ARFGEF1: variants seen among roughly 807,000 people sequenced by gnomAD.
ARFGEF1 encodes brefeldin A-inhibited guanine nucleotide-exchange protein 1.
In ARFGEF1, 42 loss-of-function variants were observed where a neutral mutation model predicts 231.0. The ratio of observed to expected loss-of-function variants is 0.18; its 90% CI spans 0.14 to 0.24. The LOEUF is 0.24. Ranked by LOEUF, ARFGEF1 falls within the 10% of genes least tolerant of loss-of-function variation. The probability of loss-of-function intolerance (pLI) is 1.00; values close to 1 mark genes in which losing one functional copy is unlikely to be tolerated. For synonymous variants in ARFGEF1, 710 were observed against 732.3 expected (o/e 0.97, Z 0.49); for missense variants, 1,345 against 2,192.0 (o/e 0.61, Z 7.72).
At chr8:67,217,235 C>T (rs1354960399) in intron 32 of ARFGEF1, among the ~76,000 whole-genome samples, 3 of 146,400 alleles carry the variant, frequency 2.0e-5, no homozygotes, top group Admixed American at 7.0e-5. Flanking sequence ...ACCCAAGAGG[C>T]GGAGGTTGTG....
At chr8:67,239,966 TAGAC>T (rs753137533) in intron 20 of ARFGEF1, among the ~76,000 whole-genome samples, 192 bp downstream of exon 20, 51 of 152,324 alleles carry the variant, frequency 3.3e-4, no homozygotes, top group African/African-American at 6.5e-4. Flanking sequence ...ATGATAAACT[TAGAC>T]AGATCAGTAT....
At chr8:67,244,906 G>A (rs1314519782) in intron 19 of ARFGEF1, among the ~76,000 whole-genome samples, 3 of 150,120 alleles carry the variant, frequency 2.0e-5, no homozygotes, top group Non-Finnish European at 4.4e-5. Flanking sequence ...GTAACCCAAA[G>A]ACAATTACCT....
At chr8:67,230,932 G>C (rs544710995) in intron 23 of ARFGEF1, among the ~76,000 whole-genome samples, 13 of 152,006 alleles carry the variant, frequency 8.6e-5, no homozygotes, top group Non-Finnish European at 1.8e-4. Flanking sequence ...CTTAAAGTCT[G>C]TAATAAAATC....
intron 5 of ARFGEF1, among the ~76,000 whole-genome samples, chr8:67,191,853 T>C (rs1836346125): frequency 6.6e-6 from 1 of 152,208 alleles, no homozygotes; most frequent in South Asian, 2.1e-4. Context: ...GGCTGTACCA[T>C]TTTACCTTCC....
At chr8:67,339,248 T>C (rs181039147) in intron 1 of ARFGEF1, among the ~76,000 whole-genome samples, 2 of 152,296 alleles carry the variant, frequency 1.3e-5, no homozygotes, top group Admixed American at 1.3e-4. Flanking sequence ...ATATACCTCC[T>C]GGGAACCCAC....
At position 67,217,801 on chromosome 8, in the gene ARFGEF1, T is replaced by C. The variant is rs761463781; in HGVS notation, c.4594A>G (p.Lys1532Glu). 2 of 1,613,956 alleles carry C rather than the reference T, an allele frequency of 1.2e-6. No homozygotes were observed. The highest frequency in any genetic ancestry group is 1.7e-5 in the Admixed American group (1 of 60,020). Residue 1532 changes from lysine (K) to glutamate (E), a missense_variant, in exon 32 of 39, where the codon AAA (lysine) becomes GAA (glutamate). Around this residue, in one of 14 missense-constraint regions of ARFGEF1, gnomAD observed 54 missense variants for 86.5 expected, o/e 0.62. Transcript: ENST00000262215. ...KTCNCTLDIFKTTIPHALLTW... is the reference protein window; with the variant it reads ...KTCNCTLDIFETTIPHALLTW... Reference sequence around the variant, plus strand: ...TCTTACGCATGTGGGATTGTGGTTTTGAAGATATCCAGTGTGCAGTTGCAA... The same window carrying C: ...TCTTACGCATGTGGGATTGTGGTTTCGAAGATATCCAGTGTGCAGTTGCAA...
chr8:67,220,909 T>TC (rs1839133976), intron 29 of ARFGEF1, among the ~76,000 whole-genome samples: 1 of 151,712 alleles, frequency 6.6e-6, no homozygotes, highest in African/African-American at 2.4e-5. Context: ...TTTTTTTTTT[T>TC]TTTAAAGCCA....
At chr8:67,339,612 A>C (rs1808507133) in intron 1 of ARFGEF1, among the ~76,000 whole-genome samples, 2 of 151,732 alleles carry the variant, frequency 1.3e-5, no homozygotes, top group Admixed American at 1.3e-4. Context: ...CTGCCAGCAG[A>C]TGGCCAGACT....
At chr8:67,263,583 G>A (rs552569129) in intron 14 of ARFGEF1, among the ~76,000 whole-genome samples, 1 of 152,184 alleles carries the variant, frequency 6.6e-6, no homozygotes, top group African/African-American at 2.4e-5. Flanking sequence ...GTGCTCAGAT[G>A]TCCTCCCTTT....
At chr8:67,256,865 T>C (rs1198867352) in intron 17 of ARFGEF1, among the ~76,000 whole-genome samples, 2 of 152,198 alleles carry the variant, frequency 1.3e-5, no homozygotes, top group Non-Finnish European at 2.9e-5. Context: ...GGTATGCTGG[T>C]ATGGTTATGT....
intron 1 of ARFGEF1, among the ~76,000 whole-genome samples, chr8:67,334,822 A>C (rs1332267435): frequency 6.6e-6 from 1 of 152,198 alleles, no homozygotes; most frequent in African/African-American, 2.4e-5. Context: ...GTATAACTGC[A>C]TTTCATGAAA....
At chr8:67,225,861 G>C (rs1311102801) in intron 28 of ARFGEF1, among the ~76,000 whole-genome samples, 162 bp downstream of exon 28, 1 of 152,092 alleles carries the variant, frequency 6.6e-6, no homozygotes, top group African/African-American at 2.4e-5. Context: ...ATAATGGTTA[G>C]TTATAATCAC....
At chr8:67,246,249 A>G (rs1840102461) in intron 19 of ARFGEF1, among the ~76,000 whole-genome samples, 1 of 150,580 alleles carries the variant, frequency 6.6e-6, no homozygotes, top group Non-Finnish European at 1.5e-5. Context: ...AATCTGCACT[A>G]CATAACAAAT....
At chr8:67,273,320 G>A (rs969300061) in intron 9 of ARFGEF1, among the ~76,000 whole-genome samples, 2 of 141,968 alleles carry the variant, frequency 1.4e-5, no homozygotes, top group African/African-American at 2.6e-5. Context: ...CATTGAAACT[G>A]ATCTCTTAAG....
At chr8:67,184,116 G>T (rs369526084) in intron 5 of ARFGEF1, among the ~76,000 whole-genome samples, 1 of 152,158 alleles carries the variant, frequency 6.6e-6, no homozygotes, top group East Asian at 1.9e-4. Context: ...GCCTCCCAAA[G>T]TGCTGGGATT....
intron 5 of ARFGEF1, among the ~76,000 whole-genome samples, chr8:67,185,813 C>G (rs183127852): frequency 6.6e-6 from 1 of 152,164 alleles, no homozygotes; most frequent in Admixed American, 6.5e-5. Flanking sequence ...ACAAGATACT[C>G]CAGCCAGAAA....
At chr8:67,232,826 C>A in intron 23 of ARFGEF1, 29 bp downstream of exon 23, 1 of 1,521,034 alleles carries the variant, frequency 6.6e-7, no homozygotes, top group South Asian at 1.2e-5. Flanking sequence ...TAGTAATCAT[C>A]TGAAAAGGGA....
At chr8:67,230,554 T>C (rs1340923623) in intron 23 of ARFGEF1, among the ~76,000 whole-genome samples, 1 of 152,012 alleles carries the variant, frequency 6.6e-6, no homozygotes, top group Non-Finnish European at 1.5e-5. Context: ...GAAAAGTATT[T>C]ATGAGCAAAG....
chr8:67,299,440 T>C (rs1806380347), intron 3 of ARFGEF1, 85 bp from the exon 4 acceptor site: 1 of 1,226,622 alleles, frequency 8.2e-7, no homozygotes. Flanking sequence ...AATTACAGTA[T>C]ACAATTGAAT....
Sources: gnomAD v4.1 joint callset for allele counts (sites outside exome capture counted in the v4.1 genomes callset) on GRCh38, gnomAD v4.1.1 for gene constraint, gnomAD v4.1.1 regional missense constraint, MANE v1.5 for transcripts, NCBI Gene and HGNC (gene_info 2026-07-23, HGNC 2026-07-21) for gene names.